Variants in JAK1 observed in about 807,000 individuals in gnomAD.
JAK1 encodes tyrosine-protein kinase JAK1.
Under a neutral mutation model 136.6 loss-of-function variants are expected in JAK1, and 16 were observed. The ratio of observed to expected loss-of-function variants is 0.12; its 90% CI spans 0.08 to 0.18. The LOEUF (loss-of-function observed/expected upper bound fraction) is 0.18, where lower values mean the gene tolerates loss of function less well. JAK1 is among the 10% of genes least tolerant of loss of function. The pLI is 1.00. For synonymous variants in JAK1, 492 were observed against 519.5 expected (o/e 0.95, Z 0.72); for missense variants, 859 against 1,450.1 (o/e 0.59, Z 6.62).
At chr1:64,925,326 T>C (rs1645565626) in intron 1 of JAK1, among the ~76,000 whole-genome samples, 1 of 151,832 alleles carries the variant, frequency 6.6e-6, no homozygotes, top group African/African-American at 2.4e-5. Flanking sequence ...AGGAATCGCT[T>C]GAACCCAGGA....
chr1:64,974,895 GTTTT>G (rs757279038), intron 2 of JAK1, among the ~76,000 whole-genome samples: 7 of 151,822 alleles, frequency 4.6e-5, no homozygotes, highest in Admixed American at 3.9e-4. Context: ...TTGTTTGTTT[GTTTT>G]GTTTTGTTTT....
intron 1 of JAK1, among the ~76,000 whole-genome samples, chr1:64,909,531 ATCT>A (rs1315867872): frequency 6.6e-6 from 1 of 151,932 alleles, no homozygotes; most frequent in Non-Finnish European, 1.5e-5. Context: ...AAGAAAACAG[ATCT>A]TCTAGGCCAG....
rs1027190327 is a variant in JAK1 at position 64,833,978 on chromosome 1, G to C, written c.*584C>G. 2 of 232,614 alleles carry C rather than the reference G, an allele frequency of 8.6e-6. No individual in the cohort carries two copies. The highest frequency in any genetic ancestry group is 1.1e-4 in the Admixed American group (2 of 17,766). 14.4% of individuals were successfully genotyped at this position (232,614 alleles called of 1,614,324 possible). On this transcript the variant is annotated 3_prime_UTR_variant, in exon 25 of 25. Coordinates refer to ENST00000342505, the MANE Select transcript of JAK1 (RefSeq NM_002227.4). ...CAAAGGAACAGGAGCTAAGCCACTG[G>C]AGAAACAAAGTTTAAGTCCTACTGG...
At chr1:65,007,288 C>A (rs1276710789) in intron 2 of JAK1, among the ~76,000 whole-genome samples, 1 of 152,122 alleles carries the variant, frequency 6.6e-6, no homozygotes, top group Admixed American at 6.5e-5. Flanking sequence ...GGTCTCTTGT[C>A]TTCTCTCTGT....
At chr1:65,035,244 A>G (rs1394241281) in intron 2 of JAK1, among the ~76,000 whole-genome samples, 1 of 152,118 alleles carries the variant, frequency 6.6e-6, no homozygotes, top group Non-Finnish European at 1.5e-5. Context: ...TTTCCTACAT[A>G]CCAGAATAGA....
At chr1:64,878,561 G>GTGTATATA (rs1298801037) in intron 4 of JAK1, among the ~76,000 whole-genome samples, 58 of 119,876 alleles carry the variant, frequency 4.8e-4, no homozygotes, top group Admixed American at 8.2e-4. Context: ...TATATAGTGT[G>GTGTATATA]TATATATATA....
rs1342261965 is a variant in JAK1, at chr1:64,873,520, G to A, written c.333C>T (p.Phe111=). 1 of 1,614,120 alleles carries A rather than the reference G, an allele frequency of 6.2e-7. No individual in the cohort carries two copies. The highest frequency in any genetic ancestry group is 8.5e-7 in the Non-Finnish European group (1 of 1,179,986). ...MSLRLHYRMR[F]YFTNWHGTND... ...TGGTTCCATGCCAATTGGTGAAATA[G>A]AACCTGGAAGGCAGGAAAATGAATG... The change falls in exon 5 of 25, where the codon TTC becomes TTT. Residue 111 remains phenylalanine, a synonymous_variant. Coordinates refer to ENST00000342505, the MANE Select transcript of JAK1 (RefSeq NM_002227.4).
At chr1:65,010,719 A>G (rs1338695273) in intron 2 of JAK1, among the ~76,000 whole-genome samples, 2 of 152,216 alleles carry the variant, frequency 1.3e-5, no homozygotes, top group Non-Finnish European at 2.9e-5. Context: ...GGTGGCTTAC[A>G]CCTGTAATCC....
intron 1 of JAK1, among the ~76,000 whole-genome samples, chr1:64,919,234 T>C (rs943753905): frequency 6.6e-6 from 1 of 152,196 alleles, no homozygotes. Flanking sequence ...TTCTCATTGT[T>C]CAATTCCCAC....
At chr1:64,987,978 AGAT>A (rs1161024952) in intron 2 of JAK1, among the ~76,000 whole-genome samples, 6 of 152,238 alleles carry the variant, frequency 3.9e-5, no homozygotes, top group African/African-American at 1.4e-4. Flanking sequence ...AAGCAATTGA[AGAT>A]GATAATATTT....
intron 1 of JAK1, among the ~76,000 whole-genome samples, chr1:64,945,467 T>C (rs1645967305): frequency 6.6e-6 from 1 of 152,066 alleles, no homozygotes; most frequent in African/African-American, 2.4e-5. Context: ...AAATAAGTCA[T>C]GGTCTATTCA....
intron 3 of JAK1, among the ~76,000 whole-genome samples, chr1:64,880,748 C>T (rs751872170): frequency 1.3e-5 from 2 of 152,144 alleles, no homozygotes; most frequent in East Asian, 1.9e-4. Context: ...GCAGGCAGAT[C>T]GCTTGAAGTC....
upstream of JAK1, among the ~76,000 whole-genome samples, chr1:64,967,802 G>A (rs1646410755): frequency 6.6e-6 from 1 of 152,152 alleles, no homozygotes; most frequent in African/African-American, 2.4e-5. Context: ...GTGCCTTCCA[G>A]AAGTACAGAA....
At chr1:64,843,921 G>T in intron 17 of JAK1, 143 bp downstream of exon 17, 2 of 827,970 alleles carry the variant, frequency 2.4e-6, no homozygotes, top group Non-Finnish European at 1.9e-6. Flanking sequence ...ACATTTGTGA[G>T]GTCACACACC....
intron 2 of JAK1, among the ~76,000 whole-genome samples, chr1:65,008,420 T>C (rs895603001): frequency 6.6e-6 from 1 of 152,072 alleles, no homozygotes; most frequent in Non-Finnish European, 1.5e-5. Context: ...AACTAAAAGG[T>C]TTAAATTTTC....
intron 5 of JAK1, among the ~76,000 whole-genome samples, chr1:64,870,754 A>G (rs1393544758): frequency 6.6e-6 from 1 of 152,040 alleles, no homozygotes; most frequent in Non-Finnish European, 1.5e-5. Context: ...TTTTGGATGG[A>G]GGGCTCCCAC....
intron 1 of JAK1, among the ~76,000 whole-genome samples, chr1:64,920,216 A>G (rs1645470973): frequency 6.6e-6 from 1 of 152,216 alleles, no homozygotes; most frequent in Admixed American, 6.5e-5. Context: ...AAACAGGGAA[A>G]AGTGGCTTAC....
At chr1:64,985,449 C>A (rs1646589612) in intron 2 of JAK1, 9 of 1,606,872 alleles carry the variant, frequency 5.6e-6, no homozygotes, top group Non-Finnish European at 7.7e-6. Flanking sequence ...CTCTTCTTTT[C>A]TGTTAATGAG....
chr1:65,008,577 T>C (rs1223894162), intron 2 of JAK1, among the ~76,000 whole-genome samples: 1 of 152,120 alleles, frequency 6.6e-6, no homozygotes, highest in East Asian at 1.9e-4. Context: ...CACTGACTTT[T>C]CCTTACAGCT....
Sources: allele counts gnomAD v4.1 joint callset (sites outside exome capture counted in the v4.1 genomes callset), GRCh38; gene constraint gnomAD v4.1.1; transcripts MANE v1.5; gene names NCBI Gene and HGNC (gene_info 2026-07-23, HGNC 2026-07-21).